SAP130: variants seen among roughly 807,000 people sequenced by gnomAD.
SAP130 encodes Sin3A associated protein 130, also known as histone deacetylase complex subunit SAP130.
SAP130 carries 16 observed loss-of-function variants against 103.2 expected under a neutral mutation model. The observed-to-expected ratio is 0.16, with a 90% CI of 0.10 to 0.24. The LOEUF is 0.24. SAP130 is among the 10% of genes least tolerant of loss of function. SAP130 has a pLI of 1.00. For missense variants in SAP130, 990 were observed against 1,359.7 expected, an observed-to-expected ratio of 0.73 and a Z score of 4.28; for synonymous variants, 477 against 497.0, an observed-to-expected ratio of 0.96 and a Z score of 0.53.
intron 18 of SAP130, among the ~76,000 whole-genome samples, chr2:127,947,765 T>TGTGTGTGTGAGA (rs1491129151): frequency 5.8e-3 from 30 of 5,168 alleles, no homozygotes; most frequent in Admixed American, 0.023. Context: ...TGTGTGTGTC[T>TGTGTGTGTGAGA]GTGTGTGTGT....
Position 127,996,668 on chromosome 2 carries a change from A to G in SAP130, c.1214-177T>C, listed in dbSNP as rs959187254. On this transcript the variant is annotated intron_variant, in intron 10 of 20. Transcript: ENST00000643581. The surrounding 1 kb of genome is among the most constrained non-coding windows in gnomAD (Gnocchi z 4.3). ...TCAACAGAATTATTTCAATCCTATC[A>G]TTCACTGATATACTCCTACTGTTAT... Among the ~76,000 whole-genome samples the G allele has an allele frequency of 3.3e-5, 5 of 152,242 alleles. No homozygotes were observed. Among genetic ancestry groups the G allele is most frequent in the Non-Finnish European group, 7.3e-5 (5 of 68,042 alleles).
intron 14 of SAP130, among the ~76,000 whole-genome samples, chr2:127,980,606 C>T (rs990407061): frequency 6.6e-6 from 1 of 152,114 alleles, no homozygotes; most frequent in African/African-American, 2.4e-5. Context: ...ACCCAAATAA[C>T]CATGGATAAA....
chr2:128,015,433 T>G (rs1684702463), intron 4 of SAP130, among the ~76,000 whole-genome samples: 1 of 152,160 alleles, frequency 6.6e-6, no homozygotes, highest in Non-Finnish European at 1.5e-5. Context: ...AGGGTTCTGG[T>G]ACTTCTGAGA....
intron 10 of SAP130, among the ~76,000 whole-genome samples, chr2:127,998,578 T>C (rs1274112614): frequency 1.3e-5 from 2 of 152,230 alleles, no homozygotes; most frequent in African/African-American, 4.8e-5. Context: ...TACAGAAATA[T>C]TGGGGTTAGC....
Position 127,996,365 on chromosome 2 carries a change from G to A in SAP130, c.1340C>T (p.Thr447Ile), listed in dbSNP as rs1683175212. 4 of 1,603,886 alleles carry A rather than the reference G, an allele frequency of 2.5e-6. No individual in the cohort carries two copies. Among genetic ancestry groups the A allele is most frequent in the Non-Finnish European group, 3.4e-6 (4 of 1,175,198 alleles). ...RASPNPVAME[T>I]RSDNRPSVPV... ...AGCCTCCTACCTGTTGTCACTTCGG[G>A]TTTCCATGGCCACAGGATTGGGAGA... The change falls in exon 11 of 21, where the codon ACC becomes ATC. Residue 447 changes from threonine (T) to isoleucine (I), a missense_variant. Physicochemically the swap from Thr to Ile is moderately conservative, Grantham distance 89. Around this residue, in one of 6 missense-constraint regions of SAP130, gnomAD observed 336 missense variants for 520.1 expected, o/e 0.65. Coordinates refer to ENST00000643581, the MANE Select transcript of SAP130 (RefSeq NM_001330301.2). This position sits in a 1 kb window ranked among gnomAD's most constrained non-coding sequence, Gnocchi z 4.3.
At chr2:127,993,001 T>C (rs1167537951) in intron 12 of SAP130, among the ~76,000 whole-genome samples, 186 bp downstream of exon 12, 1 of 152,206 alleles carries the variant, frequency 6.6e-6, no homozygotes, top group African/African-American at 2.4e-5. Flanking sequence ...ATATCACTAA[T>C]GAGTAACAAC....
chr2:127,979,648 G>A (rs1236320459), intron 14 of SAP130, among the ~76,000 whole-genome samples: 2 of 152,070 alleles, frequency 1.3e-5, no homozygotes, highest in African/African-American at 4.8e-5. Flanking sequence ...CCTGAACAAT[G>A]ACTGGCTATT....
chr2:127,946,063 C>T (rs764496126), intron 18 of SAP130, among the ~76,000 whole-genome samples: 1 of 152,196 alleles, frequency 6.6e-6, no homozygotes, highest in Non-Finnish European at 1.5e-5. Flanking sequence ...CCTCCTAAAG[C>T]AGGGCTGTCA....
intron 2 of SAP130, among the ~76,000 whole-genome samples, chr2:128,019,195 T>G (rs936765297): frequency 2.6e-5 from 4 of 152,180 alleles, no homozygotes; most frequent in African/African-American, 9.6e-5. Flanking sequence ...GAGAGATATT[T>G]TCCAATGTAT....
intron 2 of SAP130, among the ~76,000 whole-genome samples, chr2:128,021,617 G>A (rs1470080098): frequency 4.6e-5 from 7 of 152,134 alleles, no homozygotes; most frequent in Non-Finnish European, 1.0e-4. Flanking sequence ...TGGTTTACAA[G>A]AAAAGTTCAA....
intron 15 of SAP130, among the ~76,000 whole-genome samples, chr2:127,964,494 C>CAAAAAA (rs55755397): frequency 5.7e-5 from 4 of 69,898 alleles, no homozygotes; most frequent in African/African-American, 1.7e-4. Context: ...AACTCCATCT[C>CAAAAAA]AAAAAAAAAA....
Position 127,996,500 on chromosome 2 carries a change from A to G in SAP130, c.1214-9T>C, listed in dbSNP as rs1683185637. 1.3e-6 allele frequency: 2 copies of G among 1,529,258 alleles called. No homozygotes were observed. The highest frequency in any genetic ancestry group is 1.8e-6 in the Non-Finnish European group (2 of 1,133,268). The allele number at this position is 1,529,258 out of a possible 1,614,324, so 94.7% of individuals were successfully genotyped here. A position where few individuals can be genotyped will look rare whatever the true frequency, so the allele number is the denominator to read the frequency against. On this transcript the variant is annotated splice_polypyrimidine_tract_variant and intron_variant, in intron 10 of 20. Coordinates refer to ENST00000643581, the MANE Select transcript of SAP130 (RefSeq NM_001330301.2). The surrounding 1 kb of genome is among the most constrained non-coding windows in gnomAD (Gnocchi z 4.3). ...CTGGGGCACCACCTTGGCTGCAAAC[A>G]GTAAATGCCAATTCCATGACCATTC...
At chr2:128,012,235 C>T (rs561263337) in intron 6 of SAP130, among the ~76,000 whole-genome samples, 16 of 152,222 alleles carry the variant, frequency 1.1e-4, no homozygotes, top group East Asian at 3.9e-4. Context: ...TTCAGGAGGC[C>T]GAGGCAGGCA....
intron 7 of SAP130, 68 bp from the exon 8 acceptor site, chr2:128,000,522 T>C (rs1683483066): frequency 1.9e-6 from 3 of 1,574,436 alleles, no homozygotes; most frequent in Admixed American, 3.4e-5. Flanking sequence ...AGGTTAGTCA[T>C]GCAAGTTATA....
chr2:128,000,079 G>C lies in SAP130; in HGVS notation c.1085C>G (p.Thr362Ser). 2 of 1,614,156 alleles carry C rather than the reference G, an allele frequency of 1.2e-6. No homozygotes were observed. Among genetic ancestry groups the C allele is most frequent in the Non-Finnish European group, 1.7e-6 (2 of 1,180,002 alleles). The change falls in exon 9 of 21, where the codon ACC (threonine) becomes AGC (serine). Residue 362 changes from threonine to serine, a missense_variant. Coordinates refer to ENST00000643581, the MANE Select transcript of SAP130 (RefSeq NM_001330301.2). Reference protein sequence around the residue: ...ATVAPILATNTIPSATTAGSV... With the variant: ...ATVAPILATNSIPSATTAGSV... ...ACCAGCTGTGGTCGCTGAAGGAATG[G>C]TGTTGGTTGCCAAAATAGGTGCTAC...
intron 18 of SAP130, 88 bp downstream of exon 18, chr2:127,949,780 GA>G (rs1394861245): frequency 7.1e-7 from 1 of 1,399,140 alleles, no homozygotes; most frequent in African/African-American, 1.5e-5. Flanking sequence ...TTTGAAACCG[GA>G]AAATTGTGGT....
At position 127,942,658 on chromosome 2, in the gene SAP130, C is replaced by T. The variant is rs753330240; in HGVS notation, c.2902-121G>A. ...TGTCTAAGAGTTGTTTGGGTGACAA[C>T]GTCCTTTCTCCTAAGGACTAAGATA... is the stretch of plus-strand genomic sequence containing the variant. On this transcript the variant is annotated intron_variant, in intron 19 of 20. Transcript: ENST00000643581. The surrounding 1 kb of genome is among the most constrained non-coding windows in gnomAD (Gnocchi z 4.8). 1.8e-5 allele frequency: 12 copies of T among 649,250 alleles called. No individual in the cohort carries two copies. Among genetic ancestry groups the T allele is most frequent in the Admixed American group, 7.8e-5 (3 of 38,642 alleles). The allele number at this position is 649,250 out of a possible 1,614,324, so 40.2% of individuals were successfully genotyped here.
intron 15 of SAP130, among the ~76,000 whole-genome samples, chr2:127,965,009 A>AAC (rs1680552549): frequency 6.6e-6 from 1 of 151,154 alleles, no homozygotes; most frequent in African/African-American, 2.4e-5. Context: ...AAAAAAAAAA[A>AAC]AAACAGGCTG....
chr2:127,991,294 T>C (rs1357685373), intron 12 of SAP130, among the ~76,000 whole-genome samples: 1 of 152,224 alleles, frequency 6.6e-6, no homozygotes, highest in East Asian at 1.9e-4. Flanking sequence ...ATATATTTTA[T>C]TTAACCCAAT....
Sources: gnomAD v4.1 joint callset for allele counts (sites outside exome capture counted in the v4.1 genomes callset) on GRCh38, gnomAD v4.1.1 for gene constraint, gnomAD v4.1.1 regional missense constraint, Gnocchi (gnomAD v3.1) non-coding constraint, MANE v1.5 for transcripts, NCBI Gene and HGNC (gene_info 2026-07-23, HGNC 2026-07-21) for gene names.